BCL3: variants seen among roughly 807,000 people sequenced by gnomAD.
The protein encoded by BCL3 is B-cell lymphoma 3 protein.
A neutral mutation model predicts 35.7 loss-of-function variants in BCL3; 15 were observed. The ratio of observed to expected loss-of-function variants is 0.42; its 90% CI spans 0.28 to 0.65. The LOEUF (loss-of-function observed/expected upper bound fraction) is 0.65, where lower values mean the gene tolerates loss of function less well. Ranked by LOEUF, BCL3 falls within the 30% of genes least tolerant of loss-of-function variation. BCL3 has a pLI of 0.22. For missense variants in BCL3, 565 were observed against 641.7 expected (o/e 0.88, Z 1.29); for synonymous variants, 311 against 284.3 (o/e 1.09, Z -0.95).
Position 44,757,260 on chromosome 19 carries a change from G to T in BCL3, c.724+39G>T, listed in dbSNP as rs939576968. The stretch of plus-strand genomic sequence containing the variant: ...GCGGGGCACCGCTGGGCTGTCCAGC[G>T]GACCTGGAGTCCATCAGCGGCCGCA... On this transcript the variant is annotated intron_variant, in intron 4 of 8. Coordinates refer to ENST00000164227, the MANE Select transcript of BCL3 (RefSeq NM_005178.5). The surrounding 1 kb of genome is among the most constrained non-coding windows in gnomAD (Gnocchi z 8.4). 1 of 1,555,230 alleles carries T rather than the reference G, an allele frequency of 6.4e-7. No individual in the cohort carries two copies. Among genetic ancestry groups the T allele is most frequent in the Non-Finnish European group, 8.7e-7 (1 of 1,147,502 alleles).
upstream of BCL3, chr19:44,747,908 A>C (rs1967095241): frequency 4.3e-6 from 5 of 1,173,650 alleles, no homozygotes; most frequent in Non-Finnish European, 5.4e-6. Context: ...GAGTGCAGAG[A>C]CACAATCAGT....
At chr19:44,754,931 G>A (rs1324079131) in intron 2 of BCL3, among the ~76,000 whole-genome samples, 1 of 152,252 alleles carries the variant, frequency 6.6e-6, no homozygotes, top group African/African-American at 2.4e-5. Flanking sequence ...CTCTGGCCCC[G>A]GGATTTCTGC....
chr19:44,749,014 G>T lies in BCL3; in HGVS notation c.224G>T (p.Gly75Val). Residue 75 changes from glycine (G) to valine (V), a missense_variant, in exon 1 of 9, where the codon GGC (glycine) becomes GTC (valine). Physicochemically the swap from Gly to Val is moderately radical, Grantham distance 109. This residue lies in a region of BCL3 where 267 missense variants were observed against 281.5 expected (regional missense o/e 0.95). Coordinates refer to ENST00000164227, the MANE Select transcript of BCL3 (RefSeq NM_005178.5). ...DLPAVPGPPH[G>V]LARPEALYYP... ...CCGGCGGTCCCCGGGCCCCCCCACG[G>T]CCTGGCCCGGCCGGAGGCGCTTTAC... 1.5e-6 allele frequency: 2 copies of T among 1,376,468 alleles called. No homozygotes were observed. The highest frequency in any genetic ancestry group is 1.9e-6 in the Non-Finnish European group (2 of 1,064,330). The allele number at this position is 1,376,468 out of a possible 1,614,324, so 85.3% of individuals were successfully genotyped here. A position where few individuals can be genotyped will look rare whatever the true frequency, so the allele number is the denominator to read the frequency against.
At chr19:44,756,960 G>A (rs1967300043) in intron 3 of BCL3, 57 bp from the exon 4 acceptor site, 1 of 1,479,726 alleles carries the variant, frequency 6.8e-7, no homozygotes, top group South Asian at 1.2e-5. Flanking sequence ...AAACCTGGGG[G>A]AGGCAGGACT....
In BCL3 at chr19:44,748,949, TGTC is replaced by T; in HGVS notation, c.163_165del (p.Val55del). 2.4e-6 allele frequency: 3 copies of T among 1,252,730 alleles called. No homozygotes were observed. Among genetic ancestry groups the T allele is most frequent in the African/African-American group, 3.1e-5 (2 of 63,596 alleles). 77.6% of individuals were successfully genotyped at this position (1,252,730 alleles called of 1,614,324 possible). A position where few individuals can be genotyped will look rare whatever the true frequency, so the allele number is the denominator to read the frequency against. On this transcript the variant is annotated inframe_deletion, in exon 1 of 9. Coordinates refer to ENST00000164227, the MANE Select transcript of BCL3 (RefSeq NM_005178.5). ...CCGCTCCCCGCGGCGCTGCGGGCCTTGTCGTCCCCCTGGACCCTCTGCGCGGCG... is the reference window on the plus strand; with the variant it reads ...CCGCTCCCCGCGGCGCTGCGGGCCTTGTCCCCCTGGACCCTCTGCGCGGCG...
upstream of BCL3, chr19:44,747,801 C>T (rs1424928679): frequency 2.8e-6 from 3 of 1,088,170 alleles, no homozygotes; most frequent in African/African-American, 3.3e-5. Context: ...AAGATCTCTG[C>T]GCCTGTCTCC....
chr19:44,752,290 T>C (rs1057147529), intron 2 of BCL3, among the ~76,000 whole-genome samples: 1 of 151,704 alleles, frequency 6.6e-6, no homozygotes, highest in Non-Finnish European at 1.5e-5. Flanking sequence ...AGCCTTGATC[T>C]CTTGGGCTCA....
Position 44,748,857 on chromosome 19 carries a change from G to T in BCL3, c.67G>T (p.Ala23Ser). 1 of 1,104,678 alleles carries T rather than the reference G, an allele frequency of 9.1e-7. No individual in the cohort carries two copies. Among genetic ancestry groups the T allele is most frequent in the Non-Finnish European group, 1.1e-6 (1 of 908,218 alleles). 68.4% of individuals were successfully genotyped at this position (1,104,678 alleles called of 1,614,324 possible). ...PVDLRTRPKA[A>S]GLPGAALPLR... ...GGACCTGCGCACCCGGCCCAAGGCC[G>T]CCGGACTCCCGGGCGCCGCGCTGCC... The change falls in exon 1 of 9, where the codon GCC becomes TCC. Residue 23 changes from alanine (A) to serine (S), a missense_variant. This residue lies in a region of BCL3 where 267 missense variants were observed against 281.5 expected (regional missense o/e 0.95). Coordinates refer to ENST00000164227, the MANE Select transcript of BCL3 (RefSeq NM_005178.5).
Position 44,759,535 on chromosome 19 carries a change from C to T in BCL3, c.1285C>T (p.Pro429Ser), listed in dbSNP as rs147326502. The change falls in exon 9 of 9, where the codon CCC becomes TCC. Residue 429 changes from proline to serine, a missense_variant. Transcript: ENST00000164227. The part of the protein sequence containing the change: ...PNFFLPSPSP[P>S]AFLPFAGVLR... The stretch of plus-strand genomic sequence containing the variant: ...TTTCTTCCTTCCTTCCCCATCTCCA[C>T]CCGCCTTCCTGCCCTTTGCTGGGGT... The T allele has an allele frequency of 1.9e-6, 3 of 1,613,422 alleles. No individual in the cohort carries two copies. Among genetic ancestry groups the T allele is most frequent in the Non-Finnish European group, 2.5e-6 (3 of 1,179,866 alleles).
chr19:44,748,421 T>TG (rs1349935720), upstream of BCL3: 1 of 154,422 alleles, frequency 6.5e-6, no homozygotes, highest in African/African-American at 2.4e-5. Flanking sequence ...GCAGCAGGGG[T>TG]GGGGACACCC....
rs1967322910 is a variant in BCL3 at position 44,757,641 on chromosome 19, C to T, written c.814-5C>T. On this transcript the variant is annotated splice_polypyrimidine_tract_variant and splice_region_variant and intron_variant, in intron 5 of 8. Transcript: ENST00000164227. The surrounding 1 kb of genome is among the most constrained non-coding windows in gnomAD (Gnocchi z 8.4). ...AGAAACTAAGACCTTCCCTCCCCGC[C>T]GCAGGACATTAAGAGCGGCCGCTCC... The T allele has an allele frequency of 6.2e-7, 1 of 1,613,640 alleles. No individual in the cohort carries two copies. The highest frequency in any genetic ancestry group is 8.5e-7 in the Non-Finnish European group (1 of 1,179,800).
At chr19:44,750,960 G>A (rs1432406475) in intron 1 of BCL3, among the ~76,000 whole-genome samples, 1 of 152,118 alleles carries the variant, frequency 6.6e-6, no homozygotes, top group Non-Finnish European at 1.5e-5. Flanking sequence ...GTTCTTAAGG[G>A]ACCCTTTGTC....
In BCL3 at chr19:44,756,214, T is replaced by A; in HGVS notation, c.411-18T>A. ...ACAACCCCTAATGCCTGTGATTCCTTCACTCCCCCACCCCCAGGCCTCTCC... is the reference window on the plus strand; with the variant it reads ...ACAACCCCTAATGCCTGTGATTCCTACACTCCCCCACCCCCAGGCCTCTCC... On this transcript the variant is annotated intron_variant, in intron 2 of 8. Transcript: ENST00000164227. 1 of 1,431,278 alleles carries A rather than the reference T, an allele frequency of 7.0e-7. No homozygotes were observed. The highest frequency in any genetic ancestry group is 9.3e-7 in the Non-Finnish European group (1 of 1,079,984). 88.7% of individuals were successfully genotyped at this position (1,431,278 alleles called of 1,614,324 possible).
At chr19:44,750,603 G>A (rs150559046) in intron 1 of BCL3, among the ~76,000 whole-genome samples, 110 of 152,222 alleles carry the variant, frequency 7.2e-4, no homozygotes, top group Non-Finnish European at 1.2e-3. Context: ...CCGGCCTGCC[G>A]TGGCCCCTTT....
In BCL3 at chr19:44,757,121, C is replaced by T; in HGVS notation, c.624C>T (p.Ala208=). 1 of 1,603,540 alleles carries T rather than the reference C, an allele frequency of 6.2e-7. No individual in the cohort carries two copies. The highest frequency in any genetic ancestry group is 2.3e-5 in the East Asian group (1 of 44,072). The change falls in exon 4 of 9, where the codon GCC becomes GCT. Residue 208 remains alanine (A), a synonymous_variant. Coordinates refer to ENST00000164227, the MANE Select transcript of BCL3 (RefSeq NM_005178.5). This position sits in a 1 kb window ranked among gnomAD's most constrained non-coding sequence, Gnocchi z 8.4. ...PMALDRHGQT[A]AHLACEHRSP... The stretch of plus-strand genomic sequence containing the variant: ...CGCTGGACCGCCATGGCCAGACGGC[C>T]GCTCACCTGGCGTGCGAGCACCGCA...
intron 2 of BCL3, among the ~76,000 whole-genome samples, chr19:44,755,683 T>C (rs758933012): frequency 2.0e-5 from 3 of 152,154 alleles, no homozygotes; most frequent in Non-Finnish European, 4.4e-5. Context: ...AGGCTGAGGC[T>C]GAGGCAGGAG....
Position 44,759,471 on chromosome 19 carries a change from C to T in BCL3, c.1221C>T (p.Pro407=), listed in dbSNP as rs772567141. Residue 407 remains proline (P), a synonymous_variant, in exon 9 of 9, where the codon CCC becomes CCT. Coordinates refer to ENST00000164227, the MANE Select transcript of BCL3 (RefSeq NM_005178.5). ...ASPSSSPSQS[P]PRDPPGFPMA... Reference sequence around the variant, plus strand: ...CATCCTCCTCACCCTCCCAGTCTCCCCCCAGGGACCCCCCTGGATTCCCCA... The same window carrying T: ...CATCCTCCTCACCCTCCCAGTCTCCTCCCAGGGACCCCCCTGGATTCCCCA... 2 of 1,612,036 alleles carry T rather than the reference C, an allele frequency of 1.2e-6. No homozygotes were observed. The highest frequency in any genetic ancestry group is 2.2e-5 in the East Asian group (1 of 44,620).
In BCL3 at chr19:44,750,546, G is replaced by A. The variant is rs569214587; in HGVS notation, c.257-681G>A. ...ACTCCTGACCTCAGGTGATCCGCCC[G>A]CCTCGGCCTCCCAAAGTATTGGTAT... On this transcript the variant is annotated intron_variant, in intron 1 of 8. Transcript: ENST00000164227. Among the ~76,000 whole-genome samples the A allele has an allele frequency of 2.0e-5, 3 of 152,206 alleles. No homozygotes were observed. In the South Asian group the frequency reaches 6.2e-4, roughly 32 times the overall value.
At chr19:44,756,747 AG>A (rs1967295926) in intron 3 of BCL3, among the ~76,000 whole-genome samples, 1 of 131,080 alleles carries the variant, frequency 7.6e-6, no homozygotes, top group Non-Finnish European at 1.6e-5. Context: ...CCTGAGAGGG[AG>A]GGGGCCTAAA....
Sources: gnomAD v4.1 joint callset for allele counts (sites outside exome capture counted in the v4.1 genomes callset) on GRCh38, gnomAD v4.1.1 for gene constraint, gnomAD v4.1.1 regional missense constraint, Gnocchi (gnomAD v3.1) non-coding constraint, MANE v1.5 for transcripts, NCBI Gene and HGNC (gene_info 2026-07-23, HGNC 2026-07-21) for gene names.